The following EWSR1 variants were observed in gnomAD, a reference collection of about 807,000 sequenced individuals.
EWSR1 encodes the protein EWS RNA binding protein 1.
Under a neutral mutation model 92.1 loss-of-function variants are expected in EWSR1, and 14 were observed. The observed-to-expected ratio is 0.15, with a 90% CI of 0.10 to 0.24. The LOEUF is 0.24. Ranked by LOEUF, EWSR1 falls within the 10% of genes least tolerant of loss-of-function variation. The pLI, the probability that EWSR1 is intolerant of heterozygous loss-of-function variation, is 1.00. For synonymous variants in EWSR1, 303 were observed against 292.9 expected, an observed-to-expected ratio of 1.03 and a Z score of -0.35; for missense variants, 637 against 870.9, an observed-to-expected ratio of 0.73 and a Z score of 3.38.
At chr22:29,273,640 A>G (rs2058866938) in intron 3 of EWSR1, 101 bp from the exon 4 acceptor site, 2 of 1,337,490 alleles carry the variant, frequency 1.5e-6, no homozygotes, top group Non-Finnish European at 2.1e-6. Flanking sequence ...ATCTTCTAGA[A>G]AGGAATGTTT....
Position 29,278,156 on chromosome 22 carries a change from A to C in EWSR1, c.353A>C (p.Tyr118Ser), listed in dbSNP as rs1381584560. 1 of 1,614,084 alleles carries C rather than the reference A, an allele frequency of 6.2e-7. No individual in the cohort carries two copies. The highest frequency in any genetic ancestry group is 1.7e-5 in the Admixed American group (1 of 60,002). ...GCCTCCTATGCAGCTCAGTCTGCATATGGCACTCAGCCTGCTTATCCAGCC... is the reference window on the plus strand; with the variant it reads ...GCCTCCTATGCAGCTCAGTCTGCATCTGGCACTCAGCCTGCTTATCCAGCC... ...TQASYAAQSA[Y>S]GTQPAYPAYG... Residue 118 changes from tyrosine to serine, a missense_variant, in exon 5 of 17, where the codon TAT becomes TCT. Transcript: ENST00000397938.
In EWSR1 at chr22:29,268,408, C is replaced by A; in HGVS notation, c.13+59C>A. On this transcript the variant is annotated intron_variant, in intron 1 of 16. Transcript: ENST00000397938. ...TAGCCGGAACGCCCAAACTGGGGGTCGTTCGTCTCTGGGCTTGGCTGGGAA... is the reference window on the plus strand; with the variant it reads ...TAGCCGGAACGCCCAAACTGGGGGTAGTTCGTCTCTGGGCTTGGCTGGGAA... 4 of 1,613,558 alleles carry A rather than the reference C, an allele frequency of 2.5e-6. No homozygotes were observed. The South Asian group carries it at 4.4e-5, about 18-fold the overall frequency.
rs758796771 is a variant in EWSR1, at chr22:29,296,456, C to CCTT, written c.1294+90_1294+92dup. On this transcript the variant is annotated intron_variant, in intron 12 of 16. Coordinates refer to ENST00000397938, the MANE Select transcript of EWSR1 (RefSeq NM_005243.4). ...CTTGTGAACCATAGGAGCAAGAAGA[C>CCTT]CTTCCATCTCTTCCTGGGGGAGGTA... The CCTT allele has an allele frequency of 1.5e-4, 225 of 1,496,754 alleles. 2 individuals carry two copies. The highest frequency in any genetic ancestry group is 1.1e-3 in the Middle Eastern group (6 of 5,312). 92.7% of individuals were successfully genotyped at this position (1,496,754 alleles called of 1,614,324 possible). A position where few individuals can be genotyped will look rare whatever the true frequency, so the allele number is the denominator to read the frequency against.
chr22:29,293,913 C>T (rs1053864684), intron 11 of EWSR1, among the ~76,000 whole-genome samples: 4 of 151,948 alleles, frequency 2.6e-5, no homozygotes, highest in African/African-American at 4.8e-5. Flanking sequence ...GAGTCTCACT[C>T]CTTCACCCGG....
At chr22:29,289,155 G>A (rs2060260347) in intron 8 of EWSR1, 1 of 250,970 alleles carries the variant, frequency 4.0e-6, no homozygotes, top group Admixed American at 5.3e-5. Context: ...TTGAATGGTT[G>A]TCTTGAAATA....
chr22:29,288,874 T>G, intron 8 of EWSR1, 88 bp downstream of exon 8: 1 of 1,261,376 alleles, frequency 7.9e-7, no homozygotes, highest in Non-Finnish European at 1.1e-6. Flanking sequence ...ACATAAGAAA[T>G]TAATTTCTGC....
chr22:29,270,850 T>C (rs1343444373), intron 1 of EWSR1, among the ~76,000 whole-genome samples: 2 of 152,260 alleles, frequency 1.3e-5, no homozygotes, highest in Admixed American at 6.5e-5. Context: ...CTTGTAGTGC[T>C]ATTGAAAATG....
chr22:29,298,477 A>G (rs1046417443), intron 13 of EWSR1, among the ~76,000 whole-genome samples: 9 of 150,088 alleles, frequency 6.0e-5, no homozygotes, highest in African/African-American at 2.2e-4. Flanking sequence ...ACTGCACTCC[A>G]GCCTGGGCAA....
At chr22:29,272,630 T>C (rs897163956) in intron 3 of EWSR1, among the ~76,000 whole-genome samples, 199 bp downstream of exon 3, 1 of 152,198 alleles carries the variant, frequency 6.6e-6, no homozygotes, top group Admixed American at 6.5e-5. Flanking sequence ...AAGCTGATAA[T>C]TGACTCTTTA....
At chr22:29,293,864 G>C (rs1425712999) in intron 11 of EWSR1, among the ~76,000 whole-genome samples, 1 of 151,888 alleles carries the variant, frequency 6.6e-6, no homozygotes, top group Non-Finnish European at 1.5e-5. Context: ...CACTGTGCCT[G>C]GCCTGTCTCT....
chr22:29,291,496 C>G lies in EWSR1; in HGVS notation c.975-66C>G, dbSNP rs541212333. ...AGTGCCCTTCTTCCCCACGAGCCCC[C>G]CCAAGGCTCAGAGCGGTACTGGCTT... On this transcript the variant is annotated intron_variant, in intron 8 of 16. Transcript: ENST00000397938. 237 of 1,530,346 alleles carry G rather than the reference C, an allele frequency of 1.5e-4. 2 individuals carry two copies. In the South Asian group the frequency reaches 2.6e-3, roughly 17 times the overall value. The allele number at this position is 1,530,346 out of a possible 1,614,324, so 94.8% of individuals were successfully genotyped here. A position where few individuals can be genotyped will look rare whatever the true frequency, so the allele number is the denominator to read the frequency against.
At chr22:29,294,590 G>C (rs1419037062) in intron 11 of EWSR1, among the ~76,000 whole-genome samples, 1 of 135,202 alleles carries the variant, frequency 7.4e-6, no homozygotes, top group African/African-American at 2.8e-5. Flanking sequence ...GGGTGACTGA[G>C]TGAGACTCCG....
At chr22:29,281,372 C>T (rs1437072814) in intron 5 of EWSR1, among the ~76,000 whole-genome samples, 1 of 137,396 alleles carries the variant, frequency 7.3e-6, no homozygotes, top group Admixed American at 7.6e-5. Flanking sequence ...CGCGATCTAA[C>T]AGCTCACTGC....
In EWSR1 at chr22:29,298,850, G is replaced by C. The variant is rs747642485; in HGVS notation, c.1535G>C (p.Gly512Ala). The C allele has an allele frequency of 1.1e-5, 18 of 1,583,798 alleles. No homozygotes were observed. Among genetic ancestry groups the C allele is most frequent in the African/African-American group, 1.4e-5 (1 of 72,874 alleles). Residue 512 changes from glycine (G) to alanine (A), a missense_variant, in exon 14 of 17, where the codon GGA (glycine) becomes GCA (alanine). Physicochemically the swap from Gly to Ala is moderately conservative, Grantham distance 60 (BLOSUM62 0). Around this residue, in one of 5 missense-constraint regions of EWSR1, gnomAD observed 363 missense variants for 447.8 expected, o/e 0.81. Coordinates refer to ENST00000397938, the MANE Select transcript of EWSR1 (RefSeq NM_005243.4). The part of the protein sequence containing the change: ...PRGSRGNPSG[G>A]GNVQHRAGDW... ...GGTTCCCGAGGGAACCCCTCTGGAG[G>C]AGGAAACGTCCAGCACCGAGCTGGA... is the stretch of plus-strand genomic sequence containing the variant.
At chr22:29,291,200 A>C (rs986274019) in intron 8 of EWSR1, 4 of 277,208 alleles carry the variant, frequency 1.4e-5, no homozygotes, top group African/African-American at 6.5e-5. Flanking sequence ...AAGGTTTATC[A>C]CAGCAGTTAA....
chr22:29,282,679 A>G, intron 6 of EWSR1, 122 bp downstream of exon 6: 5 of 726,584 alleles, frequency 6.9e-6, no homozygotes, highest in Non-Finnish European at 1.0e-5. Flanking sequence ...GTGATAAGTC[A>G]TCTGACCATA....
At chr22:29,274,137 T>G in intron 4 of EWSR1, 2 of 1,044,492 alleles carry the variant, frequency 1.9e-6, no homozygotes, top group Non-Finnish European at 2.9e-6. Flanking sequence ...TGTAAAAGAT[T>G]TTGCTAATGC....
At chr22:29,272,752 GGAT>G (rs1458001992) in intron 3 of EWSR1, among the ~76,000 whole-genome samples, 2 of 152,186 alleles carry the variant, frequency 1.3e-5, no homozygotes, top group Non-Finnish European at 2.9e-5. Context: ...CAAAGGAAGA[GGAT>G]GATATGACCA....
intron 4 of EWSR1, chr22:29,275,687 G>A (rs538471832): frequency 2.1e-4 from 49 of 229,172 alleles, no homozygotes; most frequent in Non-Finnish European, 3.5e-4. Context: ...GAAAGTTATC[G>A]GATAGTCATT....
Sources: allele counts gnomAD v4.1 joint callset (sites outside exome capture counted in the v4.1 genomes callset), GRCh38; gene constraint gnomAD v4.1.1; regional missense constraint gnomAD v4.1.1; transcripts MANE v1.5; gene names NCBI Gene and HGNC (gene_info 2026-07-23, HGNC 2026-07-21).